Variants in LRRC8C observed in about 807,000 individuals in gnomAD.
LRRC8C encodes leucine rich repeat containing 8 VRAC subunit C, also known as volume-regulated anion channel subunit LRRC8C.
LRRC8C carries 20 observed loss-of-function variants against 55.3 expected under a neutral mutation model. The ratio of observed to expected loss-of-function variants is 0.36; its 90% confidence interval spans 0.25 to 0.53. The LOEUF (loss-of-function observed/expected upper bound fraction) is 0.53. Among genes scored for constraint, LRRC8C ranks in the 20% least tolerant of loss-of-function variants. The pLI is 0.92. For synonymous variants in LRRC8C, 376 were observed against 360.7 expected (o/e 1.04, Z -0.48); for missense variants, 659 against 951.4 (o/e 0.69, Z 4.04).
the LRRC8C span, among the ~76,000 whole-genome samples, chr1:89,625,373 T>A: frequency 0.035 from 5,262 of 152,214 alleles, 294 homozygotes; most frequent in African/African-American, 0.12. Flanking sequence ...ATGAAAGAAA[T>A]ATGACTGGAA....
intron 1 of LRRC8C, among the ~76,000 whole-genome samples, chr1:89,638,159 T>G (rs1020147249): frequency 2.6e-5 from 4 of 152,146 alleles, no homozygotes; most frequent in African/African-American, 9.7e-5. Context: ...AGAACCTTTC[T>G]AAGGACTCAG....
chr1:89,657,263 A>T (rs2101206005), intron 1 of LRRC8C, among the ~76,000 whole-genome samples: 1 of 152,330 alleles, frequency 6.6e-6, no homozygotes, highest in African/African-American at 2.4e-5. Context: ...TAAGGACTTC[A>T]TATCACCCTA....
At chr1:89,703,455 A>T (rs754095848) in intron 2 of LRRC8C, among the ~76,000 whole-genome samples, 6 of 152,072 alleles carry the variant, frequency 3.9e-5, no homozygotes, top group Non-Finnish European at 8.8e-5. Context: ...AACCAAAAGG[A>T]AAATGAACCC....
chr1:89,643,835 C>T (rs1283139088), intron 1 of LRRC8C, among the ~76,000 whole-genome samples: 1 of 152,088 alleles, frequency 6.6e-6, no homozygotes, highest in Non-Finnish European at 1.5e-5. Flanking sequence ...AATATAGTCC[C>T]TCACCCTCTA....
intron 2 of LRRC8C, among the ~76,000 whole-genome samples, chr1:89,699,476 A>G (rs1454421002): frequency 6.6e-6 from 1 of 152,234 alleles, no homozygotes; most frequent in Non-Finnish European, 1.5e-5. Flanking sequence ...GGATGGAGGT[A>G]GGGAGCATTT....
upstream of LRRC8C, chr1:89,633,019 G>A (rs1323412035): frequency 6.6e-6 from 1 of 151,960 alleles, no homozygotes; most frequent in Non-Finnish European, 1.5e-5. Context: ...GCGCTGGGCG[G>A]CGCTGGCTGC....
chr1:89,714,835 CT>C lies in LRRC8C; in HGVS notation c.2266del (p.Tyr756ThrfsTer2). The C allele has an allele frequency of 6.2e-7, 1 of 1,614,096 alleles. No homozygotes were observed. The highest frequency in any genetic ancestry group is 8.5e-7 in the Non-Finnish European group (1 of 1,180,002). On this transcript the variant is annotated frameshift_variant, in exon 3 of 3. Coordinates refer to ENST00000370454, the MANE Select transcript of LRRC8C (RefSeq NM_032270.5). LOFTEE classifies it high-confidence loss of function. The surrounding 1 kb of genome is among the most constrained non-coding windows in gnomAD (Gnocchi z 4.6). ...AAATTGGAAATTTGCTATTTCTTTCCTACTTAGATGTAAAAGGTAATCACTT... is the reference window on the plus strand; with the variant it reads ...AAATTGGAAATTTGCTATTTCTTTCCACTTAGATGTAAAAGGTAATCACTT... Reference protein sequence around the residue: ...PKIGNLLFLSYLDVKGNHFEI... With the variant: ...PKIGNLLFLSXLDVKGNHFEI...
the LRRC8C span, among the ~76,000 whole-genome samples, chr1:89,616,470 A>C: frequency 1.3e-5 from 2 of 152,218 alleles, no homozygotes; most frequent in Non-Finnish European, 2.9e-5. Context: ...CTTGCCCCAG[A>C]ATTAGCTCCA....
chr1:89,636,788 C>T (rs968678896), intron 1 of LRRC8C, among the ~76,000 whole-genome samples: 1 of 152,152 alleles, frequency 6.6e-6, no homozygotes, highest in African/African-American at 2.4e-5. Context: ...AGATTACAGG[C>T]ATGAGGCACA....
upstream of LRRC8C, chr1:89,633,115 G>A (rs1244471046): frequency 1.3e-5 from 2 of 152,070 alleles, no homozygotes; most frequent in Non-Finnish European, 2.9e-5. Flanking sequence ...TTGCGGGGCT[G>A]GGGCGTTAGC....
intron 1 of LRRC8C, among the ~76,000 whole-genome samples, chr1:89,645,355 T>C (rs1428622817): frequency 6.6e-6 from 1 of 151,104 alleles, no homozygotes; most frequent in Non-Finnish European, 1.5e-5. Context: ...GAAAAAAAAT[T>C]GCACAGAGCC....
intron 1 of LRRC8C, among the ~76,000 whole-genome samples, chr1:89,653,161 C>T (rs1656837187): frequency 6.6e-6 from 1 of 152,162 alleles, no homozygotes; most frequent in Admixed American, 6.5e-5. Context: ...AATCATTAGC[C>T]AACCTTTTGG....
At chr1:89,660,037 G>T (rs1258862195) in intron 1 of LRRC8C, among the ~76,000 whole-genome samples, 2 of 152,154 alleles carry the variant, frequency 1.3e-5, no homozygotes, top group Non-Finnish European at 2.9e-5. Flanking sequence ...TGCAGCTGTG[G>T]TCTGAGACCC....
upstream of LRRC8C, chr1:89,632,832 G>C (rs918013049): frequency 1.9e-4 from 29 of 152,446 alleles, no homozygotes; most frequent in African/African-American, 7.0e-4. Context: ...AGCGGAGAGA[G>C]GATTTCTCTC....
intron 2 of LRRC8C, among the ~76,000 whole-genome samples, chr1:89,698,922 T>G (rs1409754481): frequency 6.6e-6 from 1 of 152,040 alleles, no homozygotes; most frequent in Non-Finnish European, 1.5e-5. Context: ...GATATAAATG[T>G]TAAGCATCAT....
At chr1:89,658,170 T>C (rs1657004456) in intron 1 of LRRC8C, among the ~76,000 whole-genome samples, 1 of 152,202 alleles carries the variant, frequency 6.6e-6, no homozygotes. Flanking sequence ...TTTCTGGTAT[T>C]GGAGTTGTTT....
At chr1:89,622,306 C>T in the LRRC8C span, among the ~76,000 whole-genome samples, 1 of 151,418 alleles carries the variant, frequency 6.6e-6, no homozygotes, top group Non-Finnish European at 1.5e-5. Flanking sequence ...CCTGTTGTTA[C>T]ATGGATGAAA....
intron 1 of LRRC8C, among the ~76,000 whole-genome samples, chr1:89,648,894 G>A (rs1204606361): frequency 6.6e-6 from 1 of 152,116 alleles, no homozygotes; most frequent in Non-Finnish European, 1.5e-5. Context: ...GTTCATTAAT[G>A]TTGTGGCATA....
chr1:89,712,096 A>G (rs938559549), intron 2 of LRRC8C, among the ~76,000 whole-genome samples: 2 of 152,220 alleles, frequency 1.3e-5, no homozygotes, highest in African/African-American at 4.8e-5. Context: ...TGATTCTCCC[A>G]GAATCCAGTG....
Sources: allele counts gnomAD v4.1 joint callset (sites outside exome capture counted in the v4.1 genomes callset), GRCh38; gene constraint gnomAD v4.1.1; non-coding constraint Gnocchi (gnomAD v3.1); transcripts MANE v1.5; gene names NCBI Gene and HGNC (gene_info 2026-07-23, HGNC 2026-07-21).